The following PUM2 variants were observed in gnomAD, a reference collection of about 807,000 sequenced individuals.
PUM2 encodes the protein pumilio homolog 2.
Under a neutral mutation model 124.5 loss-of-function variants are expected in PUM2, and 57 were observed. The observed-to-expected ratio is 0.46, with a 90% CI of 0.37 to 0.57. PUM2 has a LOEUF of 0.57. Among genes scored for constraint, PUM2 ranks in the 20% least tolerant of loss-of-function variants. PUM2 has a pLI of 0.00. For missense variants in PUM2, 1,065 were observed against 1,290.6 expected, an observed-to-expected ratio of 0.83 and a Z score of 2.68; for synonymous variants, 460 against 446.1, an observed-to-expected ratio of 1.03 and a Z score of -0.39.
intron 3 of PUM2, among the ~76,000 whole-genome samples, chr2:20,312,733 G>T (rs1363186965): frequency 6.6e-6 from 1 of 152,014 alleles, no homozygotes; most frequent in East Asian, 1.9e-4. Context: ...AATTTCATAT[G>T]GAACCAAAAA....
chr2:20,275,184 T>C (rs1483369669), intron 13 of PUM2, among the ~76,000 whole-genome samples: 1 of 151,626 alleles, frequency 6.6e-6, no homozygotes, highest in Admixed American at 6.6e-5. Context: ...GGAGAACCAA[T>C]ATAAAGGGGC....
intron 12 of PUM2, among the ~76,000 whole-genome samples, chr2:20,280,686 C>T (rs1036137014): frequency 6.6e-6 from 1 of 152,078 alleles, no homozygotes; most frequent in African/African-American, 2.4e-5. Flanking sequence ...TATAAAGAAG[C>T]TGGCTCTTTA....
chr2:20,278,991 G>T (rs1670901948), intron 12 of PUM2, among the ~76,000 whole-genome samples, 172 bp from the exon 13 acceptor site: 1 of 151,836 alleles, frequency 6.6e-6, no homozygotes, highest in Admixed American at 6.6e-5. Context: ...ATCATAAAAG[G>T]GTATAAATGC....
At chr2:20,305,333 T>A (rs1677962089) in intron 7 of PUM2, among the ~76,000 whole-genome samples, 3 of 151,670 alleles carry the variant, frequency 2.0e-5, no homozygotes, top group Non-Finnish European at 4.4e-5. Flanking sequence ...AAAAATTCAC[T>A]GGGCATCATG....
chr2:20,339,750 C>T (rs1686863295), intron 1 of PUM2, among the ~76,000 whole-genome samples: 1 of 152,108 alleles, frequency 6.6e-6, no homozygotes, highest in Non-Finnish European at 1.5e-5. Flanking sequence ...TGTGGGGGCA[C>T]ACGCCTGTAA....
At chr2:20,300,520 T>C (rs1450804664) in intron 7 of PUM2, among the ~76,000 whole-genome samples, 1 of 151,198 alleles carries the variant, frequency 6.6e-6, no homozygotes, top group African/African-American at 2.4e-5. Flanking sequence ...GCCTTAGAAT[T>C]TTATTTTGGT....
chr2:20,318,724 T>C, intron 2 of PUM2, 79 bp from the exon 3 acceptor site: 1 of 968,954 alleles, frequency 1.0e-6, no homozygotes, highest in Admixed American at 2.0e-5. Flanking sequence ...AACATATCAC[T>C]GCTATGTATA....
At chr2:20,307,911 C>T (rs1678718331) in intron 7 of PUM2, 67 bp downstream of exon 7, 3 of 1,554,408 alleles carry the variant, frequency 1.9e-6, no homozygotes, top group Non-Finnish European at 1.8e-6. Flanking sequence ...AATCAGTAAA[C>T]GAAAAGTGAA....
chr2:20,334,576 A>G (rs1474690940), intron 1 of PUM2, among the ~76,000 whole-genome samples: 2 of 152,238 alleles, frequency 1.3e-5, no homozygotes, highest in African/African-American at 4.8e-5. Context: ...AATGAATGAA[A>G]AAAACCATAT....
rs563211024 is a variant in PUM2 at position 20,306,409 on chromosome 2, C to T, written c.883+1569G>A. On this transcript the variant is annotated intron_variant, in intron 7 of 20. Transcript: ENST00000361078. Reference sequence around the variant, plus strand: ...AAAAGAAGAGTAATAGATGTATTAGCCTGCCTAATAATATAAAGCCTCGAG... The same window carrying T: ...AAAAGAAGAGTAATAGATGTATTAGTCTGCCTAATAATATAAAGCCTCGAG... Among the ~76,000 whole-genome samples the T allele has an allele frequency of 3.9e-5, 6 of 152,076 alleles. No individual in the cohort carries two copies. The South Asian group carries it at 1.2e-3, about 32-fold the overall frequency.
At chr2:20,278,360 A>T (rs1004621852) in intron 13 of PUM2, among the ~76,000 whole-genome samples, 1 of 152,172 alleles carries the variant, frequency 6.6e-6, no homozygotes, top group Non-Finnish European at 1.5e-5. Context: ...ATTTCATAAA[A>T]AAAACATAAG....
At chr2:20,301,605 G>A (rs556961775) in intron 7 of PUM2, among the ~76,000 whole-genome samples, 2 of 145,416 alleles carry the variant, frequency 1.4e-5, no homozygotes, top group Admixed American at 6.8e-5. Context: ...TTTTTTTTTT[G>A]AGACAAGGTC....
intron 13 of PUM2, among the ~76,000 whole-genome samples, chr2:20,269,094 C>G (rs1253465731): frequency 1.3e-5 from 2 of 152,118 alleles, no homozygotes; most frequent in African/African-American, 4.8e-5. Context: ...GTCAGTCATA[C>G]TCTGCTATGC....
At chr2:20,319,610 C>A (rs1379856504) in intron 2 of PUM2, among the ~76,000 whole-genome samples, 2 of 152,090 alleles carry the variant, frequency 1.3e-5, no homozygotes, top group Non-Finnish European at 1.5e-5. Flanking sequence ...CTCAGTAATA[C>A]CTGAAATTGG....
chr2:20,294,246 G>A lies in PUM2; in HGVS notation c.1152+130C>T, dbSNP rs62123452. On this transcript the variant is annotated intron_variant, in intron 9 of 20. Coordinates refer to ENST00000361078, the MANE Select transcript of PUM2 (RefSeq NM_015317.5). ...TAAAATCCCATGCATAAATACTTGC[G>A]TATCAACTGTATGCCAGGAGTCGTG... 4.9e-3 allele frequency: 4,611 copies of A among 933,042 alleles called. 22 individuals carry two copies. The highest frequency in any genetic ancestry group is 0.019 in the Middle Eastern group (56 of 2,910). 57.8% of individuals were successfully genotyped at this position (933,042 alleles called of 1,614,324 possible). A position where few individuals can be genotyped will look rare whatever the true frequency, so the allele number is the denominator to read the frequency against.
At chr2:20,292,290 T>C (rs1558567483) in intron 9 of PUM2, among the ~76,000 whole-genome samples, 1 of 150,352 alleles carries the variant, frequency 6.7e-6, no homozygotes, top group African/African-American at 2.4e-5. Flanking sequence ...TGGCTGACAG[T>C]TGGTAGTTTT....
chr2:20,258,136 G>A (rs1665256494), intron 16 of PUM2, 107 bp downstream of exon 16: 1 of 1,056,942 alleles, frequency 9.5e-7, no homozygotes, highest in African/African-American at 1.6e-5. Context: ...TCTAGTTGTG[G>A]AAATATTTAA....
intron 10 of PUM2, among the ~76,000 whole-genome samples, chr2:20,283,837 A>G (rs149393005): frequency 2.8e-3 from 420 of 152,342 alleles, no homozygotes; most frequent in African/African-American, 9.5e-3. Context: ...AACTGGGAGT[A>G]GCGAGGTAGA....
chr2:20,343,998 T>C (rs139098679), intron 1 of PUM2, among the ~76,000 whole-genome samples: 37 of 152,348 alleles, frequency 2.4e-4, no homozygotes, highest in East Asian at 1.3e-3. Context: ...AGAGTTGTAA[T>C]AGAAAATATC....
Sources: gnomAD v4.1 joint callset for allele counts (sites outside exome capture counted in the v4.1 genomes callset) on GRCh38, gnomAD v4.1.1 for gene constraint, MANE v1.5 for transcripts, NCBI Gene and HGNC (gene_info 2026-07-23, HGNC 2026-07-21) for gene names.